The following UNC13C variants were observed in gnomAD, a reference collection of about 807,000 sequenced individuals.
UNC13C encodes unc-13 homolog C.
UNC13C carries 174 observed loss-of-function variants against 245.4 expected under a neutral mutation model. That is an observed-to-expected ratio of 0.71 (90% CI 0.63 to 0.80). The LOEUF is 0.80. Among genes scored for constraint, UNC13C ranks in the 30% least tolerant of loss-of-function variants. The pLI is 0.00. For missense variants in UNC13C, 2,829 were observed against 2,602.9 expected (o/e 1.09, Z -1.89); for synonymous variants, 992 against 895.1 (o/e 1.11, Z -1.93).
chr15:53,986,761 G>T (rs1894160375), intron 1 of UNC13C, among the ~76,000 whole-genome samples: 1 of 148,082 alleles, frequency 6.8e-6, no homozygotes, highest in Non-Finnish European at 1.5e-5. Context: ...AACTCTTAGA[G>T]GACAGATAAT....
intron 2 of UNC13C, among the ~76,000 whole-genome samples, chr15:54,057,469 G>T (rs12441814): frequency 0.45 from 67,019 of 148,584 alleles, 15,273 homozygotes; most frequent in Middle Eastern, 0.57. Flanking sequence ...AGCAAGTCCT[G>T]AGTGACCTAC....
intron 30 of UNC13C, among the ~76,000 whole-genome samples, chr15:54,579,749 ACT>A (rs1423566702): frequency 6.6e-6 from 1 of 152,072 alleles, no homozygotes; most frequent in Non-Finnish European, 1.5e-5. Context: ...ACAGAGCAAG[ACT>A]CTGTCTCAAA....
intron 4 of UNC13C, among the ~76,000 whole-genome samples, chr15:54,147,911 ATAT>A (rs976549151): frequency 6.6e-6 from 1 of 151,986 alleles, no homozygotes; most frequent in Non-Finnish European, 1.5e-5. Context: ...TTTGAGGAGG[ATAT>A]TATCATCTTT....
intron 17 of UNC13C, among the ~76,000 whole-genome samples, chr15:54,339,258 T>C (rs138551466): frequency 6.4e-4 from 97 of 152,262 alleles, no homozygotes; most frequent in African/African-American, 2.2e-3. Flanking sequence ...TAATGGCTAT[T>C]ATTATTATTT....
chr15:54,125,833 C>A (rs1361286819), intron 2 of UNC13C, among the ~76,000 whole-genome samples: 3 of 152,074 alleles, frequency 2.0e-5, no homozygotes, highest in Non-Finnish European at 4.4e-5. Context: ...TCTGCTTTAT[C>A]TAATATTAGC....
At chr15:54,608,599 TGAA>T (rs1899905614) in intron 30 of UNC13C, among the ~76,000 whole-genome samples, 1 of 152,198 alleles carries the variant, frequency 6.6e-6, no homozygotes, top group African/African-American at 2.4e-5. Context: ...AACAAACAAA[TGAA>T]GAAATCATGT....
upstream of UNC13C, among the ~76,000 whole-genome samples, chr15:53,978,131 A>G (rs1893772237): frequency 6.6e-6 from 1 of 152,274 alleles, no homozygotes; most frequent in African/African-American, 2.4e-5. Flanking sequence ...TGGGTAATTT[A>G]GTATTATCCA....
chr15:54,109,945 A>G (rs1297229362), intron 2 of UNC13C, among the ~76,000 whole-genome samples: 2 of 152,106 alleles, frequency 1.3e-5, no homozygotes, highest in Non-Finnish European at 2.9e-5. Context: ...CCTATTTTCA[A>G]TATCATTTCC....
chr15:54,482,404 A>T (rs983934029), intron 19 of UNC13C, among the ~76,000 whole-genome samples: 3 of 152,098 alleles, frequency 2.0e-5, no homozygotes, highest in African/African-American at 7.2e-5. Context: ...AGCAGCTCCT[A>T]TTCCAGTCTC....
intron 25 of UNC13C, among the ~76,000 whole-genome samples, chr15:54,531,125 C>G (rs1279704884): frequency 6.6e-6 from 1 of 152,102 alleles, no homozygotes; most frequent in Non-Finnish European, 1.5e-5. Context: ...GTATGAGAAA[C>G]TCATCAGACT....
At chr15:54,610,543 AG>A (rs1388194271) in intron 30 of UNC13C, among the ~76,000 whole-genome samples, 4 of 152,210 alleles carry the variant, frequency 2.6e-5, no homozygotes, top group African/African-American at 9.6e-5. Flanking sequence ...TCTGTAAGGC[AG>A]GTTTATAGAA....
intron 26 of UNC13C, among the ~76,000 whole-genome samples, chr15:54,534,539 C>T (rs1259969509): frequency 6.6e-6 from 1 of 152,176 alleles, no homozygotes; most frequent in Admixed American, 6.5e-5. Context: ...TGTCTTACTA[C>T]CTCCAAACAA....
chr15:54,561,550 G>A (rs1293075254), intron 29 of UNC13C, among the ~76,000 whole-genome samples: 1 of 151,900 alleles, frequency 6.6e-6, no homozygotes, highest in East Asian at 1.9e-4. Context: ...AAGACAAGAA[G>A]GCTTGGAGGC....
intron 20 of UNC13C, among the ~76,000 whole-genome samples, chr15:54,495,648 T>C (rs1039233061): frequency 1.3e-5 from 2 of 152,084 alleles, no homozygotes; most frequent in African/African-American, 4.8e-5. Flanking sequence ...TTTCCATTTT[T>C]ATAAAATTAA....
chr15:53,947,234 A>G, the UNC13C span, among the ~76,000 whole-genome samples: 1 of 152,206 alleles, frequency 6.6e-6, no homozygotes, highest in Non-Finnish European at 1.5e-5. Flanking sequence ...GCCTAAGAAA[A>G]AGCAGGTGGA....
At chr15:54,450,171 G>T (rs1173025001) in intron 19 of UNC13C, among the ~76,000 whole-genome samples, 2 of 152,360 alleles carry the variant, frequency 1.3e-5, no homozygotes, top group East Asian at 3.9e-4. Context: ...TGAGGTGTCA[G>T]TCTTCCCCTA....
chr15:54,546,438 T>C (rs1050269906), intron 26 of UNC13C, among the ~76,000 whole-genome samples: 1 of 152,158 alleles, frequency 6.6e-6, no homozygotes, highest in Admixed American at 6.5e-5. Context: ...CTGCACATTC[T>C]GCACACGTAT....
At chr15:53,939,692 T>G in the UNC13C span, among the ~76,000 whole-genome samples, 1 of 152,042 alleles carries the variant, frequency 6.6e-6, no homozygotes, top group South Asian at 2.1e-4. Context: ...CATATGCAAA[T>G]TAATATAGAT....
At chr15:53,879,673 C>T in the UNC13C span, among the ~76,000 whole-genome samples, 1 of 152,158 alleles carries the variant, frequency 6.6e-6, no homozygotes, top group East Asian at 1.9e-4. Context: ...ACTGCAACCT[C>T]CACCTCCCAG....
Sources: allele counts gnomAD v4.1 joint callset (sites outside exome capture counted in the v4.1 genomes callset), GRCh38; gene constraint gnomAD v4.1.1; transcripts MANE v1.5; gene names NCBI Gene and HGNC (gene_info 2026-07-23, HGNC 2026-07-21).